The following PLK5 variants were observed in gnomAD, a reference collection of about 807,000 sequenced individuals.
PLK5 encodes the protein polo like kinase 5 (inactive).
Under a neutral mutation model 33.7 loss-of-function variants are expected in PLK5, and 28 were observed. That is an observed-to-expected ratio of 0.83 (90% CI 0.62 to 1.14). PLK5 has a LOEUF of 1.14. Among genes scored for constraint, PLK5 ranks in the 50% most tolerant of loss-of-function variants. The pLI, the probability that PLK5 is intolerant of heterozygous loss-of-function variation, is 0.00. For synonymous variants in PLK5, 225 were observed against 202.2 expected, an observed-to-expected ratio of 1.11 and a Z score of -0.96; for missense variants, 492 against 461.5, an observed-to-expected ratio of 1.07 and a Z score of -0.61.
At chr19:1,533,028 G>T (rs746698437) in intron 12 of PLK5, among the ~76,000 whole-genome samples, 1 of 151,462 alleles carries the variant, frequency 6.6e-6, no homozygotes, top group African/African-American at 2.4e-5. Flanking sequence ...CCAGCTACTT[G>T]GATGGCTGAG....
chr19:1,524,118 G>A lies in PLK5; in HGVS notation c.-672G>A, dbSNP rs973517491. ...GGCCGCAGCGCGGTGGTCTCGGCCCGGCTGCGCCAGAGTCCGCGCGATGGA... is the reference window on the plus strand; with the variant it reads ...GGCCGCAGCGCGGTGGTCTCGGCCCAGCTGCGCCAGAGTCCGCGCGATGGA... On this transcript the variant is annotated 5_prime_UTR_variant, in exon 1 of 14. Coordinates refer to ENST00000454744, the MANE Select transcript of PLK5 (RefSeq NM_001243079.2). The surrounding 1 kb of genome is among the most constrained non-coding windows in gnomAD (Gnocchi z 4.5). 3 of 151,034 alleles carry A rather than the reference G, an allele frequency of 2.0e-5. No individual in the cohort carries two copies. Among genetic ancestry groups the A allele is most frequent in the African/African-American group, 4.8e-5 (2 of 41,320 alleles). 9.4% of individuals were successfully genotyped at this position (151,034 alleles called of 1,614,324 possible).
At chr19:1,526,862 G>A in intron 5 of PLK5, 41 bp from the exon 6 acceptor site, 2 of 1,126,952 alleles carry the variant, frequency 1.8e-6, no homozygotes, top group Non-Finnish European at 1.3e-6. Flanking sequence ...TCTGGCACGG[G>A]GATCCCAGCC....
In PLK5 at chr19:1,535,681, G is replaced by C. The variant is rs966550753; in HGVS notation, c.*431G>C. 2 of 188,786 alleles carry C rather than the reference G, an allele frequency of 1.1e-5. No homozygotes were observed. Among genetic ancestry groups the C allele is most frequent in the African/African-American group, 4.8e-5 (2 of 41,702 alleles). 11.7% of individuals were successfully genotyped at this position (188,786 alleles called of 1,614,324 possible). On this transcript the variant is annotated 3_prime_UTR_variant, in exon 14 of 14. Coordinates refer to ENST00000454744, the MANE Select transcript of PLK5 (RefSeq NM_001243079.2). ...GAGGATCGCTTGGGCCCAGGAGTTT[G>C]AGACCAGCCTGGGCAACATGGCAAG...
In PLK5 at chr19:1,529,503, C is replaced by T; in HGVS notation, c.490+13C>T. 2 of 1,532,788 alleles carry T rather than the reference C, an allele frequency of 1.3e-6. No individual in the cohort carries two copies. The highest frequency in any genetic ancestry group is 4.9e-5 in the East Asian group (2 of 40,898). 94.9% of individuals were successfully genotyped at this position (1,532,788 alleles called of 1,614,324 possible). On this transcript the variant is annotated intron_variant, in intron 10 of 13. Transcript: ENST00000454744. ...AGTGACCTGGCCGGTGAGCAGATCC[C>T]CGTCCCAGCCCGGGGCTGCAGGTGG...
intron 6 of PLK5, 71 bp downstream of exon 6, chr19:1,527,069 C>T (rs1216910576): frequency 1.1e-5 from 15 of 1,403,400 alleles, no homozygotes; most frequent in Admixed American, 4.3e-5. Flanking sequence ...GGAGCCTGCA[C>T]GGAACAGGTG....
rs1913667365 is a variant in PLK5 at position 1,524,216 on chromosome 19, C to T, written c.-574C>T. 1 of 150,598 alleles carries T rather than the reference C, an allele frequency of 6.6e-6. No individual in the cohort carries two copies. The highest frequency in any genetic ancestry group is 2.4e-5 in the African/African-American group (1 of 41,258). 9.3% of individuals were successfully genotyped at this position (150,598 alleles called of 1,614,324 possible). Reference sequence around the variant, plus strand: ...TCCTGCGAGACCCGGGCTCGGGCCGCGTGTACAGGCGCGGGAAGCTGATCG... The same window carrying T: ...TCCTGCGAGACCCGGGCTCGGGCCGTGTGTACAGGCGCGGGAAGCTGATCG... On this transcript the variant is annotated 5_prime_UTR_variant, in exon 1 of 14. Coordinates refer to ENST00000454744, the MANE Select transcript of PLK5 (RefSeq NM_001243079.2). This position sits in a 1 kb window ranked among gnomAD's most constrained non-coding sequence, Gnocchi z 4.5.
intron 13 of PLK5, among the ~76,000 whole-genome samples, chr19:1,534,405 G>A (rs978994462): frequency 3.3e-5 from 5 of 151,404 alleles, no homozygotes; most frequent in African/African-American, 1.2e-4. Context: ...TACTCAGGAG[G>A]CTGAGGCAGG....
At position 1,526,917 on chromosome 19, in the gene PLK5, CCCCTAACTTCCTGGA is replaced by C; in HGVS notation, c.-75_-61del. ...GCCCTTCCTAGAGTACTCTGTGGGA[CCCCTAACTTCCTGGA>C]CCCTGAGGTTGTCTCCAGAAACGGT... On this transcript the variant is annotated 5_prime_UTR_variant, in exon 6 of 14. Coordinates refer to ENST00000454744, the MANE Select transcript of PLK5 (RefSeq NM_001243079.2). 1 of 1,493,262 alleles carries C rather than the reference CCCCTAACTTCCTGGA, an allele frequency of 6.7e-7. No individual in the cohort carries two copies. 92.5% of individuals were successfully genotyped at this position (1,493,262 alleles called of 1,614,324 possible). A position where few individuals can be genotyped will look rare whatever the true frequency, so the allele number is the denominator to read the frequency against.
chr19:1,528,923 G>C lies in PLK5; in HGVS notation c.354G>C (p.Ser118=). 2 of 1,519,888 alleles carry C rather than the reference G, an allele frequency of 1.3e-6. No individual in the cohort carries two copies. The highest frequency in any genetic ancestry group is 1.2e-5 in the South Asian group (1 of 82,068). 94.2% of individuals were successfully genotyped at this position (1,519,888 alleles called of 1,614,324 possible). A position where few individuals can be genotyped will look rare whatever the true frequency, so the allele number is the denominator to read the frequency against. ...GCCCCTTCACGCCTAAAGAGGCCTCGGGTCCAGGAGAAGGTGGGCCAGACC... is the reference window on the plus strand; with the variant it reads ...GCCCCTTCACGCCTAAAGAGGCCTCCGGTCCAGGAGAAGGTGGGCCAGACC... The part of the protein sequence containing the change: ...PPCPFTPKEA[S]GPGEGGPDPD... The change falls in exon 9 of 14, where the codon TCG becomes TCC. Residue 118 remains serine, a synonymous_variant. Transcript: ENST00000454744.
At chr19:1,527,480 T>C (rs752633377) in intron 6 of PLK5, among the ~76,000 whole-genome samples, 1 of 152,070 alleles carries the variant, frequency 6.6e-6, no homozygotes, top group Non-Finnish European at 1.5e-5. Context: ...TGTGCACCTG[T>C]AGTCCCAGCT....
chr19:1,532,960 C>T lies in PLK5; in HGVS notation c.715-971C>T, dbSNP rs1445968553. On this transcript the variant is annotated intron_variant, in intron 12 of 13. Coordinates refer to ENST00000454744, the MANE Select transcript of PLK5 (RefSeq NM_001243079.2). ...GGATTACAGGCGTGAGCCACCGCGC[C>T]TGGCCAAGTTTTTTTTTTTTTAAAT... Among the ~76,000 whole-genome samples the T allele has an allele frequency of 2.6e-5, 4 of 151,778 alleles. No individual in the cohort carries two copies. In the East Asian group the frequency reaches 7.8e-4, roughly 29 times the overall value.
chr19:1,524,320 TCCTGCGCGG>T lies in PLK5; in HGVS notation c.-544+75_-544+83del, dbSNP rs1346362045. 5 of 151,472 alleles carry T rather than the reference TCCTGCGCGG, an allele frequency of 3.3e-5. No individual in the cohort carries two copies. The highest frequency in any genetic ancestry group is 1.2e-4 in the African/African-American group (5 of 41,346). The allele number at this position is 151,472 out of a possible 1,614,324, so 9.4% of individuals were successfully genotyped here. On this transcript the variant is annotated intron_variant, in intron 1 of 13. Transcript: ENST00000454744. The surrounding 1 kb of genome is among the most constrained non-coding windows in gnomAD (Gnocchi z 4.5). The stretch of plus-strand genomic sequence containing the variant: ...CTGGGGTCCCGGGGCGCGCGGGCGA[TCCTGCGCGG>T]TCTACGCGGCGCGTCCCTGCGAGCG...
rs1199469093 is a variant in PLK5, at chr19:1,535,733, G to A, written c.*483G>A. The stretch of plus-strand genomic sequence containing the variant: ...CCCCATCTCTACAAAAAATTAGCTG[G>A]GCATGGTGGCACGTGCCTGTAGTCC... On this transcript the variant is annotated 3_prime_UTR_variant, in exon 14 of 14. Transcript: ENST00000454744. 1.2e-5 allele frequency: 2 copies of A among 171,368 alleles called. No homozygotes were observed. The highest frequency in any genetic ancestry group is 2.5e-5 in the Non-Finnish European group (2 of 81,354). The allele number at this position is 171,368 out of a possible 1,614,324, so 10.6% of individuals were successfully genotyped here. A position where few individuals can be genotyped will look rare whatever the true frequency, so the allele number is the denominator to read the frequency against.
At chr19:1,533,272 G>A (rs1443850749) in intron 12 of PLK5, among the ~76,000 whole-genome samples, 1 of 151,528 alleles carries the variant, frequency 6.6e-6, no homozygotes. Context: ...TTGAATTTTA[G>A]TAGAGACGGG....
intron 12 of PLK5, 161 bp from the exon 13 acceptor site, chr19:1,533,770 G>A: frequency 4.8e-6 from 3 of 627,866 alleles, no homozygotes; most frequent in East Asian, 2.7e-5. Flanking sequence ...TCGCCCTGAG[G>A]GATGTGCCCG....
chr19:1,531,669 C>T lies in PLK5; in HGVS notation c.569-69C>T, dbSNP rs140207798. On this transcript the variant is annotated intron_variant, in intron 11 of 13. Coordinates refer to ENST00000454744, the MANE Select transcript of PLK5 (RefSeq NM_001243079.2). ...TCTCACCCATGGTTTCAGTCCATCACATTTATTGAGTGCCTACTATATGCC... is the reference window on the plus strand; with the variant it reads ...TCTCACCCATGGTTTCAGTCCATCATATTTATTGAGTGCCTACTATATGCC... The T allele has an allele frequency of 1.9e-5, 28 of 1,500,996 alleles. No individual in the cohort carries two copies. In the East Asian group the frequency reaches 7.0e-4, roughly 37 times the overall value. The allele number at this position is 1,500,996 out of a possible 1,614,324, so 93.0% of individuals were successfully genotyped here. A position where few individuals can be genotyped will look rare whatever the true frequency, so the allele number is the denominator to read the frequency against.
intron 12 of PLK5, among the ~76,000 whole-genome samples, chr19:1,533,385 C>A (rs1298554008): frequency 6.6e-6 from 1 of 152,180 alleles, no homozygotes; most frequent in Non-Finnish European, 1.5e-5. Flanking sequence ...GCCACCGCGC[C>A]CGGCCTTAAC....
chr19:1,529,154 C>T, intron 9 of PLK5, 180 bp downstream of exon 9: 2 of 666,518 alleles, frequency 3.0e-6, no homozygotes, highest in Non-Finnish European at 5.0e-6. Flanking sequence ...CCAAATGTGC[C>T]CACCTGGGCT....
intron 13 of PLK5, among the ~76,000 whole-genome samples, chr19:1,534,630 C>A (rs1362933553): frequency 7.0e-6 from 1 of 142,296 alleles, no homozygotes; most frequent in African/African-American, 2.7e-5. Context: ...ACGGTGAAAC[C>A]CCGTCTCTAC....
Sources: allele counts gnomAD v4.1 joint callset (sites outside exome capture counted in the v4.1 genomes callset), GRCh38; gene constraint gnomAD v4.1.1; non-coding constraint Gnocchi (gnomAD v3.1); transcripts MANE v1.5; gene names NCBI Gene and HGNC (gene_info 2026-07-23, HGNC 2026-07-21).